The following NRG2 variants were observed in gnomAD, a reference collection of about 807,000 sequenced individuals.
NRG2 encodes the protein pro-neuregulin-2, membrane-bound isoform.
Under a neutral mutation model 73.9 loss-of-function variants are expected in NRG2, and 27 were observed. The observed-to-expected ratio is 0.37, with a 90% confidence interval of 0.27 to 0.50. The LOEUF is 0.50. NRG2 is among the 20% of genes least tolerant of loss of function. The pLI is 0.96. For synonymous variants in NRG2, 532 were observed against 541.0 expected, an observed-to-expected ratio of 0.98 and a Z score of 0.23; for missense variants, 1,126 against 1,210.1, an observed-to-expected ratio of 0.93 and a Z score of 1.03.
Position 140,042,809 on chromosome 5 carries a change from G to C in NRG2, c.261C>G (p.Ala87=). The C allele has an allele frequency of 6.7e-7, 1 of 1,498,676 alleles. No individual in the cohort carries two copies. The highest frequency in any genetic ancestry group is 8.9e-7 in the Non-Finnish European group (1 of 1,126,974). The allele number at this position is 1,498,676 out of a possible 1,614,324, so 92.8% of individuals were successfully genotyped here. ...CGCGCCTCATGCCGCCGGCGGCTGC[G>C]GCTCGCGAACGGGCGGCGGCTCTCC... ...AARRAAARSR[A]AAAGGMRRDP... The change falls in exon 1 of 10, where the codon GCC becomes GCG. Residue 87 remains alanine (A), a synonymous_variant. Transcript: ENST00000361474.
chr5:139,931,861 A>T (rs1272537135), intron 1 of NRG2, among the ~76,000 whole-genome samples: 1 of 152,230 alleles, frequency 6.6e-6, no homozygotes, highest in Non-Finnish European at 1.5e-5. Flanking sequence ...CTACCAGGGA[A>T]ATGCAAATTA....
At chr5:139,986,120 T>A (rs969729701) in intron 1 of NRG2, among the ~76,000 whole-genome samples, 3 of 152,150 alleles carry the variant, frequency 2.0e-5, no homozygotes, top group Non-Finnish European at 4.4e-5. Flanking sequence ...CTCCAAGCAA[T>A]CCCTTCTTGC....
chr5:139,902,230 C>T (rs1016117771), intron 1 of NRG2, among the ~76,000 whole-genome samples: 1 of 152,200 alleles, frequency 6.6e-6, no homozygotes, highest in Non-Finnish European at 1.5e-5. Context: ...ACCCAGTTCC[C>T]GGTTAGGGAT....
At chr5:139,998,849 A>G (rs1389752950) in intron 1 of NRG2, among the ~76,000 whole-genome samples, 1 of 152,210 alleles carries the variant, frequency 6.6e-6, no homozygotes, top group Non-Finnish European at 1.5e-5. Flanking sequence ...AGAGGAGTTA[A>G]GACAAGAGAA....
chr5:139,949,176 G>A (rs1754009953), intron 1 of NRG2, among the ~76,000 whole-genome samples: 1 of 152,098 alleles, frequency 6.6e-6, no homozygotes, highest in East Asian at 1.9e-4. Context: ...TATTAAGGAG[G>A]TTTGAGGAGC....
In NRG2 at chr5:139,887,470, G is replaced by A; in HGVS notation, c.742C>T (p.Gln248Ter). 1 of 1,614,206 alleles carries A rather than the reference G, an allele frequency of 6.2e-7. No homozygotes were observed. The highest frequency in any genetic ancestry group is 8.5e-7 in the Non-Finnish European group (1 of 1,180,036). ...TTCAGCGATTGCTTCTCACCCACCT[G>A]TCCCGTCTGGCTCTTCATCTTCTTC... ...KLKKMKSQTGQVGEKQSLKCE... is the reference protein window; with the variant it reads ...KLKKMKSQTG The change falls in exon 2 of 10, where the codon CAG (glutamine) becomes TAG (stop). Residue 248 changes from glutamine to a stop codon, truncating the protein, a stop_gained. Transcript: ENST00000361474. LOFTEE classifies it high-confidence loss of function. This position sits in a 1 kb window ranked among gnomAD's most constrained non-coding sequence, Gnocchi z 4.5.
chr5:139,973,663 A>G (rs1403458413), intron 1 of NRG2, among the ~76,000 whole-genome samples: 1 of 152,194 alleles, frequency 6.6e-6, no homozygotes, highest in Non-Finnish European at 1.5e-5. Flanking sequence ...CGTCTTGCTA[A>G]TGTTCCTCAT....
chr5:139,961,149 C>T (rs779339763), intron 1 of NRG2, among the ~76,000 whole-genome samples: 3 of 152,196 alleles, frequency 2.0e-5, no homozygotes, highest in Non-Finnish European at 4.4e-5. Context: ...AGGCTGTTTA[C>T]GGTTCTTGCC....
intron 1 of NRG2, among the ~76,000 whole-genome samples, chr5:139,997,971 C>G (rs1372920071): frequency 1.3e-5 from 2 of 152,222 alleles, no homozygotes; most frequent in Non-Finnish European, 2.9e-5. Flanking sequence ...CTGGCTAGAC[C>G]TGGGCTCAGA....
intron 1 of NRG2, among the ~76,000 whole-genome samples, chr5:139,953,786 C>T (rs1053808598): frequency 6.6e-6 from 1 of 152,168 alleles, no homozygotes; most frequent in African/African-American, 2.4e-5. Flanking sequence ...GTAAGCAAGA[C>T]TGAAAGCAAA....
At chr5:140,001,138 C>A (rs1194657788) in intron 1 of NRG2, among the ~76,000 whole-genome samples, 11 of 152,200 alleles carry the variant, frequency 7.2e-5, no homozygotes, top group Admixed American at 7.2e-4. Context: ...TCCCTCTGAT[C>A]TCCCATCGGT....
rs558185791 is a variant in NRG2, at chr5:140,006,056, C to T, written c.700+36314G>A. Among the ~76,000 whole-genome samples the T allele has an allele frequency of 3.3e-5, 5 of 152,326 alleles. No homozygotes were observed. In the South Asian group the frequency reaches 1.0e-3, roughly 32 times the overall value. ...AGAAAGGGGCCATTAGCACATGTTG[C>T]CCCATTCCTGGGGCAAAAGAAAGCA... On this transcript the variant is annotated intron_variant, in intron 1 of 9. Transcript: ENST00000361474.
At chr5:139,859,830 C>A (rs139339895) in intron 5 of NRG2, 1 of 1,562,146 alleles carries the variant, frequency 6.4e-7, no homozygotes, top group African/African-American at 1.4e-5. Context: ...CACATGGCAT[C>A]GGAGGCTGTG....
rs61044289 is a variant in NRG2 at position 139,938,850 on chromosome 5, A to AAGAGAG, written c.701-51345_701-51340dup. On this transcript the variant is annotated intron_variant, in intron 1 of 9. Coordinates refer to ENST00000361474, the MANE Select transcript of NRG2 (RefSeq NM_004883.3). ...ATTGGACAGTCATATACAGAAAGGG[A>AAGAGAG]AGAGAGAGAGAGAGAGAGAGAGAGA... 8.6e-3 allele frequency among the ~76,000 whole-genome samples: 812 copies of AAGAGAG among 94,960 alleles called. 24 individuals carry two copies. The highest frequency in any genetic ancestry group is 0.031 in the East Asian group (93 of 3,014). 62.3% of individuals were successfully genotyped at this position (94,960 alleles called of 152,430 possible). A position where few individuals can be genotyped will look rare whatever the true frequency, so the allele number is the denominator to read the frequency against.
intron 1 of NRG2, among the ~76,000 whole-genome samples, chr5:139,927,699 G>A (rs1752161266): frequency 6.6e-6 from 1 of 151,032 alleles, no homozygotes; most frequent in Non-Finnish European, 1.5e-5. Context: ...GGAAGGCGGA[G>A]GTTGCGGTGA....
intron 1 of NRG2, among the ~76,000 whole-genome samples, chr5:139,903,006 A>G (rs1764984809): frequency 6.6e-6 from 1 of 152,212 alleles, no homozygotes; most frequent in Admixed American, 6.5e-5. Flanking sequence ...CCTGCTGGAA[A>G]TAGTGTTTGA....
At chr5:139,986,082 A>G (rs187814553) in intron 1 of NRG2, among the ~76,000 whole-genome samples, 1 of 152,352 alleles carries the variant, frequency 6.6e-6, no homozygotes, top group Non-Finnish European at 1.5e-5. Context: ...GGATTAGCAG[A>G]ATGAACACAG....
intron 1 of NRG2, among the ~76,000 whole-genome samples, chr5:139,981,860 C>A (rs1756824959): frequency 6.6e-6 from 1 of 152,154 alleles, no homozygotes; most frequent in Non-Finnish European, 1.5e-5. Context: ...CAGTATCTGC[C>A]CTCCTCCCTG....
intron 1 of NRG2, among the ~76,000 whole-genome samples, chr5:139,914,314 A>G (rs1361308954): frequency 6.6e-6 from 1 of 152,112 alleles, no homozygotes; most frequent in Non-Finnish European, 1.5e-5. Context: ...ACTAACTTAT[A>G]AGGGAAACAG....
Sources: gnomAD v4.1 joint callset for allele counts (sites outside exome capture counted in the v4.1 genomes callset) on GRCh38, gnomAD v4.1.1 for gene constraint, Gnocchi (gnomAD v3.1) non-coding constraint, MANE v1.5 for transcripts, NCBI Gene and HGNC (gene_info 2026-07-23, HGNC 2026-07-21) for gene names.